ASPH: variants seen among roughly 807,000 people sequenced by gnomAD.
ASPH encodes aspartate beta-hydroxylase.
ASPH carries 100 observed loss-of-function variants against 118.4 expected under a neutral mutation model. That is an observed-to-expected ratio of 0.84 (90% CI 0.72 to 1.00). ASPH has a LOEUF of 1.00. Ranked by LOEUF, ASPH falls within the 50% of genes least tolerant of loss-of-function variation. The pLI, the probability that ASPH is intolerant of heterozygous loss-of-function variation, is 0.00. For missense variants in ASPH, 920 were observed against 919.5 expected (o/e 1.00, Z -0.01); for synonymous variants, 315 against 325.6 (o/e 0.97, Z 0.35).
At position 61,653,621 on chromosome 8, in the gene ASPH, G is replaced by C. The variant is rs775085975; in HGVS notation, c.362C>G (p.Pro121Arg). 21 of 1,613,794 alleles carry C rather than the reference G, an allele frequency of 1.3e-5. No individual in the cohort carries two copies. The Admixed American group carries it at 2.3e-4, about 18-fold the overall frequency. Residue 121 changes from proline (P) to arginine (R), a missense_variant, in exon 4 of 25, where the codon CCA becomes CGA. Transcript: ENST00000379454. ...CTCAGTGTGTGGCTCAGCCTCTTCT[G>C]GCGGGACTGCTGGCTCTGAAGTAGA... Reference protein sequence around the residue: ...ERSTSEPAVPPEEAEPHTEPE... With the variant: ...ERSTSEPAVPREEAEPHTEPE...
intron 1 of ASPH, among the ~76,000 whole-genome samples, chr8:61,709,371 T>C (rs1189009902): frequency 9.2e-5 from 14 of 152,200 alleles, no homozygotes; most frequent in Admixed American, 9.2e-4. Context: ...GCCTCCAGAC[T>C]ATACTCCCAC....
chr8:61,519,588 T>G (rs910711256), intron 22 of ASPH, among the ~76,000 whole-genome samples: 5 of 152,228 alleles, frequency 3.3e-5, no homozygotes, highest in African/African-American at 1.2e-4. Context: ...TAAGTGGCAC[T>G]GAGATTTCTT....
At chr8:61,703,288 C>T (rs896040858) in intron 1 of ASPH, among the ~76,000 whole-genome samples, 1 of 151,960 alleles carries the variant, frequency 6.6e-6, no homozygotes, top group African/African-American at 2.4e-5. Context: ...ACTGGAAATC[C>T]TAATTAGTGC....
chr8:61,638,252 A>C, intron 11 of ASPH, 70 bp downstream of exon 11: 1 of 1,530,370 alleles, frequency 6.5e-7, no homozygotes, highest in Non-Finnish European at 8.9e-7. Flanking sequence ...TTTGTTCCAC[A>C]GGTAGGAGTT....
chr8:61,673,232 C>T (rs984764085), intron 3 of ASPH, among the ~76,000 whole-genome samples: 3 of 152,134 alleles, frequency 2.0e-5, no homozygotes, highest in Non-Finnish European at 4.4e-5. Context: ...TCTGCAGGAT[C>T]CCCAGGGCAG....
intron 13 of ASPH, chr8:61,624,203 T>C: frequency 1.0e-6 from 1 of 967,936 alleles, no homozygotes; most frequent in South Asian, 4.8e-5. Flanking sequence ...TTTATACATC[T>C]ATTATATACT....
chr8:61,565,405 A>G (rs1007660685), intron 17 of ASPH, among the ~76,000 whole-genome samples: 3 of 152,180 alleles, frequency 2.0e-5, no homozygotes, highest in Non-Finnish European at 2.9e-5. Context: ...TCACAGGAAG[A>G]GTTTTTTATT....
intron 18 of ASPH, among the ~76,000 whole-genome samples, chr8:61,560,093 G>A (rs1319160698): frequency 2.6e-5 from 4 of 152,230 alleles, no homozygotes; most frequent in African/African-American, 9.6e-5. Flanking sequence ...TAAACTTCAT[G>A]TGGGCACATT....
At chr8:61,564,414 TC>T (rs1830970591) in intron 17 of ASPH, among the ~76,000 whole-genome samples, 1 of 151,470 alleles carries the variant, frequency 6.6e-6, no homozygotes, top group Admixed American at 6.6e-5. Context: ...TTCTCCTGCC[TC>T]AGCCTCTTGA....
intron 14 of ASPH, among the ~76,000 whole-genome samples, chr8:61,585,606 G>A (rs550972091): frequency 2.4e-4 from 37 of 152,174 alleles, no homozygotes; most frequent in African/African-American, 7.9e-4. Context: ...TTAATAATGC[G>A]TTAAATAATG....
At chr8:61,508,446 AATAATG>A (rs1807489933) in intron 24 of ASPH, among the ~76,000 whole-genome samples, 1 of 152,204 alleles carries the variant, frequency 6.6e-6, no homozygotes, top group Non-Finnish European at 1.5e-5. Flanking sequence ...TATAATTATA[AATAATG>A]ATAATGATAA....
chr8:61,515,500 C>A (rs976549675), intron 24 of ASPH, among the ~76,000 whole-genome samples: 21 of 152,140 alleles, frequency 1.4e-4, no homozygotes, highest in African/African-American at 2.2e-4. Flanking sequence ...TTTCATGGAA[C>A]CTTTTCATTT....
chr8:61,698,720 C>G (rs1389891320), intron 1 of ASPH, among the ~76,000 whole-genome samples: 1 of 152,060 alleles, frequency 6.6e-6, no homozygotes, highest in East Asian at 1.9e-4. Context: ...AGCCGCCAGT[C>G]AATTATTAGC....
chr8:61,550,546 G>A (rs1825647866), intron 20 of ASPH, among the ~76,000 whole-genome samples: 1 of 151,988 alleles, frequency 6.6e-6, no homozygotes, highest in African/African-American at 2.4e-5. Context: ...GAAAAGCCCA[G>A]GCCACATCTG....
intron 4 of ASPH, 84 bp downstream of exon 4, chr8:61,653,484 C>A: frequency 7.7e-7 from 1 of 1,300,084 alleles, no homozygotes; most frequent in South Asian, 1.4e-5. Flanking sequence ...AAACAAATTC[C>A]AGGTAAAACG....
At chr8:61,629,088 G>A (rs1854358459) in intron 13 of ASPH, among the ~76,000 whole-genome samples, 1 of 152,128 alleles carries the variant, frequency 6.6e-6, no homozygotes, top group Non-Finnish European at 1.5e-5. Context: ...TGGATGCAAT[G>A]GAGTGAAACC....
Position 61,646,538 on chromosome 8 carries a change from T to G in ASPH, c.619+212A>C, listed in dbSNP as rs1808070614. Among the ~76,000 whole-genome samples, 3 of 152,206 alleles carry G rather than the reference T, an allele frequency of 2.0e-5. No individual in the cohort carries two copies. The South Asian group carries it at 6.2e-4, about 32-fold the overall frequency. On this transcript the variant is annotated intron_variant, in intron 6 of 24. Coordinates refer to ENST00000379454, the MANE Select transcript of ASPH (RefSeq NM_004318.4). ...TTTGACTCACTATTTATAAGAAATT[T>G]GTATATTCTGAGTTTCCCTGAAAAG...
rs1036757572 is a variant in ASPH at position 61,646,844 on chromosome 8, G to A, written c.525C>T (p.Pro175=). The change falls in exon 6 of 25, where the codon CCC becomes CCT. Residue 175 remains proline, a synonymous_variant. Transcript: ENST00000379454. ...CATCCTCTTGTTGTGGTTCTCCTGT[G>A]GGTCCATCTTCTTGTTGCAAGTCTT... ...EGEDLQQEDG[P]TGEPQQEDDE... 1 of 1,613,676 alleles carries A rather than the reference G, an allele frequency of 6.2e-7. No homozygotes were observed. The highest frequency in any genetic ancestry group is 1.3e-5 in the African/African-American group (1 of 74,792).
Position 61,587,272 on chromosome 8 carries a change from T to C in ASPH, c.977-3243A>G, listed in dbSNP as rs1839759505. Among the ~76,000 whole-genome samples, 15 of 152,248 alleles carry C rather than the reference T, an allele frequency of 9.9e-5. 1 individual carries two copies. The highest frequency in any genetic ancestry group is 9.8e-4 in the Admixed American group (15 of 15,282). On this transcript the variant is annotated intron_variant, in intron 14 of 24. Transcript: ENST00000379454. The stretch of plus-strand genomic sequence containing the variant: ...GCTTTAAACTGCATGCCATTATATG[T>C]TACCATATATGCTGATATGGAAAAT...
Sources: gnomAD v4.1 joint callset for allele counts (sites outside exome capture counted in the v4.1 genomes callset) on GRCh38, gnomAD v4.1.1 for gene constraint, MANE v1.5 for transcripts, NCBI Gene and HGNC (gene_info 2026-07-23, HGNC 2026-07-21) for gene names.